The following GLRA1 variants were observed in gnomAD, a reference collection of about 807,000 sequenced individuals.
The protein encoded by GLRA1 is glycine receptor subunit alpha-1.
In GLRA1, 37 loss-of-function variants were observed where a neutral mutation model predicts 48.3. The ratio of observed to expected loss-of-function variants is 0.77; its 90% confidence interval spans 0.59 to 1.01. GLRA1 has a LOEUF of 1.01. GLRA1 is among the 50% of genes least tolerant of loss of function. GLRA1 has a pLI of 0.00. For synonymous variants in GLRA1, 196 were observed against 210.7 expected (o/e 0.93, Z 0.60); for missense variants, 427 against 571.0 (o/e 0.75, Z 2.57).
At position 151,833,151 on chromosome 5, in the gene GLRA1, A is replaced by T. The variant is rs150703524; in HGVS notation, c.913-4084T>A. Among the ~76,000 whole-genome samples the T allele has an allele frequency of 8.6e-3, 1,305 of 152,358 alleles. 12 individuals carry two copies. The highest frequency in any genetic ancestry group is 0.013 in the Non-Finnish European group (866 of 68,032). ...TCTCACAAGAACTCCTGAAGGAAGC[A>T]CTAAACATGGAAAGGAACAACCGGT... On this transcript the variant is annotated intron_variant, in intron 7 of 8. Coordinates refer to ENST00000274576, the MANE Select transcript of GLRA1 (RefSeq NM_000171.4).
intron 8 of GLRA1, among the ~76,000 whole-genome samples, chr5:151,826,615 G>A (rs546533885): frequency 6.6e-6 from 1 of 152,144 alleles, no homozygotes; most frequent in Non-Finnish European, 1.5e-5. Flanking sequence ...TGATTGCTGA[G>A]GTATCTTCAA....
intron 1 of GLRA1, among the ~76,000 whole-genome samples, chr5:151,905,545 C>T (rs1754455133): frequency 6.6e-6 from 1 of 151,962 alleles, no homozygotes; most frequent in Non-Finnish European, 1.5e-5. Context: ...TGGAAAAACC[C>T]CCTTGGTCAC....
At chr5:151,855,293 G>A in intron 5 of GLRA1, 116 bp from the exon 6 acceptor site, 1 of 1,012,202 alleles carries the variant, frequency 9.9e-7, no homozygotes, top group Non-Finnish European at 1.5e-6. Flanking sequence ...TGGAACTTGT[G>A]AGACCAGGTT....
intron 1 of GLRA1, among the ~76,000 whole-genome samples, chr5:151,895,483 T>C (rs79323072): frequency 0.01 from 1,535 of 152,340 alleles, 26 homozygotes; most frequent in African/African-American, 0.031. Context: ...GTTACTTAAC[T>C]TGTCTGAGCT....
chr5:151,851,325 A>T, intron 7 of GLRA1, 65 bp downstream of exon 7: 1 of 1,051,214 alleles, frequency 9.5e-7, no homozygotes, highest in Non-Finnish European at 1.5e-6. Context: ...TTTTAGGCAG[A>T]GCAAGGAAGT....
At chr5:151,886,693 C>G in intron 3 of GLRA1, 28 bp downstream of exon 3, 1 of 1,498,334 alleles carries the variant, frequency 6.7e-7, no homozygotes, top group Non-Finnish European at 9.3e-7. Flanking sequence ...CCAGCAGGAA[C>G]TAACAGCTTG....
intron 7 of GLRA1, among the ~76,000 whole-genome samples, chr5:151,841,724 T>G (rs1763716020): frequency 6.6e-6 from 1 of 152,102 alleles, no homozygotes. Context: ...TTTGATAACC[T>G]AAATGAGGTG....
intron 3 of GLRA1, among the ~76,000 whole-genome samples, chr5:151,885,680 G>A (rs981016939): frequency 6.6e-6 from 1 of 152,222 alleles, no homozygotes; most frequent in Non-Finnish European, 1.5e-5. Flanking sequence ...TAAGCAATCG[G>A]TGCAGCTAGA....
intron 1 of GLRA1, among the ~76,000 whole-genome samples, chr5:151,920,021 T>G (rs1267639312): frequency 6.6e-6 from 1 of 152,258 alleles, no homozygotes; most frequent in African/African-American, 2.4e-5. Flanking sequence ...GATTTTAATG[T>G]ACCTTTAAAG....
At chr5:151,862,406 G>A (rs112089533) in intron 3 of GLRA1, among the ~76,000 whole-genome samples, 2 of 152,290 alleles carry the variant, frequency 1.3e-5, no homozygotes, top group African/African-American at 4.8e-5. Flanking sequence ...AAAAGCAATG[G>A]CAACAAAATT....
intron 7 of GLRA1, among the ~76,000 whole-genome samples, chr5:151,842,601 A>C (rs930326285): frequency 1.3e-5 from 2 of 152,198 alleles, no homozygotes; most frequent in Admixed American, 6.5e-5. Flanking sequence ...AAACTTCCTC[A>C]AACTGTAAAG....
At chr5:151,873,665 CA>C (rs60113920) in intron 3 of GLRA1, among the ~76,000 whole-genome samples, 46,311 of 107,812 alleles carry the variant, frequency 0.43, 7,106 homozygotes, top group South Asian at 0.51. Context: ...CACTTTGTCT[CA>C]AAAAAAAAAA....
chr5:151,871,829 G>A (rs981246326), intron 3 of GLRA1, among the ~76,000 whole-genome samples: 4 of 149,752 alleles, frequency 2.7e-5, no homozygotes, highest in African/African-American at 1.0e-4. Context: ...CTCCCAAAGT[G>A]CCGGGATTAC....
At chr5:151,922,318 T>A (rs1195500463) in intron 1 of GLRA1, among the ~76,000 whole-genome samples, 2 of 152,250 alleles carry the variant, frequency 1.3e-5, no homozygotes, top group African/African-American at 4.8e-5. Context: ...CCTGGAATTT[T>A]AAAAGTGAGT....
chr5:151,898,233 T>C (rs2113429059), intron 1 of GLRA1, among the ~76,000 whole-genome samples: 1 of 151,946 alleles, frequency 6.6e-6, no homozygotes, highest in Non-Finnish European at 1.5e-5. Context: ...TTTCATACAC[T>C]GGTCTCGGGA....
intron 6 of GLRA1, among the ~76,000 whole-genome samples, chr5:151,852,655 C>T (rs1227484276): frequency 6.6e-6 from 1 of 152,198 alleles, no homozygotes; most frequent in Admixed American, 6.5e-5. Context: ...TAGGGTCTAG[C>T]ACAGAGTTCA....
In GLRA1 at chr5:151,920,425, C is replaced by T. The variant is rs546999157; in HGVS notation, c.56+4069G>A. Among the ~76,000 whole-genome samples the T allele has an allele frequency of 2.6e-5, 4 of 152,246 alleles. No homozygotes were observed. The South Asian group carries it at 8.3e-4, about 32-fold the overall frequency. ...CATGGCCGTAACCTCTTTCATAAGA[C>T]AATCTAAAGAAAACAATTTCCTAAA... On this transcript the variant is annotated intron_variant, in intron 1 of 8. Coordinates refer to ENST00000274576, the MANE Select transcript of GLRA1 (RefSeq NM_000171.4).
At chr5:151,870,219 C>T (rs1307542516) in intron 3 of GLRA1, among the ~76,000 whole-genome samples, 5 of 149,060 alleles carry the variant, frequency 3.4e-5, no homozygotes, top group South Asian at 2.1e-4. Flanking sequence ...CAGTATCAGG[C>T]GAAGAATTTT....
intron 2 of GLRA1, among the ~76,000 whole-genome samples, chr5:151,891,573 T>C (rs1454444615): frequency 6.6e-6 from 1 of 152,204 alleles, no homozygotes; most frequent in Non-Finnish European, 1.5e-5. Flanking sequence ...GCTGCCCCTG[T>C]AGAGGAGCCT....
Sources: allele counts gnomAD v4.1 joint callset (sites outside exome capture counted in the v4.1 genomes callset), GRCh38; gene constraint gnomAD v4.1.1; transcripts MANE v1.5; gene names NCBI Gene and HGNC (gene_info 2026-07-23, HGNC 2026-07-21).